Variants in DAB1 observed in about 807,000 individuals in gnomAD.
The protein encoded by DAB1 is DAB adaptor protein 1, also known as disabled homolog 1.
A neutral mutation model predicts 64.6 loss-of-function variants in DAB1; 15 were observed. The observed-to-expected ratio is 0.23, with a 90% confidence interval of 0.16 to 0.36. The LOEUF (loss-of-function observed/expected upper bound fraction) is 0.36, where lower values mean the gene tolerates loss of function less well. Among genes scored for constraint, DAB1 ranks in the 10% least tolerant of loss-of-function variants. The pLI, the probability that DAB1 is intolerant of heterozygous loss-of-function variation, is 1.00. For synonymous variants in DAB1, 235 were observed against 251.9 expected (o/e 0.93, Z 0.64); for missense variants, 596 against 706.7 (o/e 0.84, Z 1.78).
At chr1:57,501,947 A>G (rs183372639) in intron 7 of DAB1, among the ~76,000 whole-genome samples, 3 of 152,240 alleles carry the variant, frequency 2.0e-5, no homozygotes, top group African/African-American at 4.8e-5. Context: ...ATCATCGCCT[A>G]TATGTATACT....
intron 4 of DAB1, among the ~76,000 whole-genome samples, chr1:58,304,257 T>A (rs532150495): frequency 6.6e-6 from 1 of 152,302 alleles, no homozygotes; most frequent in East Asian, 1.9e-4. Context: ...CACTCACTGG[T>A]CATGGTTTTA....
intron 1 of DAB1, chr1:57,386,974 G>C (rs1431583480): frequency 2.2e-5 from 3 of 136,130 alleles, no homozygotes; most frequent in Non-Finnish European, 3.2e-5. Flanking sequence ...ACCACAGCCA[G>C]CTCCCTTACA....
At chr1:57,439,424 T>TTTTTTTGTTTTTTTTTG (rs1558381326) in intron 7 of DAB1, among the ~76,000 whole-genome samples, 5 of 117,098 alleles carry the variant, frequency 4.3e-5, no homozygotes, top group East Asian at 4.7e-4. Context: ...TGAGGTTTTT[T>TTTTTTTGTTTTTTTTTG]CTTTTTTTTT....
intron 7 of DAB1, among the ~76,000 whole-genome samples, chr1:57,460,011 A>C (rs1466655329): frequency 3.9e-5 from 6 of 152,260 alleles, no homozygotes; most frequent in African/African-American, 1.4e-4. Flanking sequence ...GGTGTTGCAA[A>C]GATGAGGGAT....
chr1:58,061,011 C>T (rs1274451168), intron 5 of DAB1, among the ~76,000 whole-genome samples: 2 of 152,194 alleles, frequency 1.3e-5, no homozygotes, highest in Non-Finnish European at 2.9e-5. Context: ...GAGCCTGGGT[C>T]CTCAGGGCCT....
chr1:58,331,520 A>G (rs1026181778), intron 4 of DAB1, among the ~76,000 whole-genome samples: 7 of 152,220 alleles, frequency 4.6e-5, no homozygotes, highest in Non-Finnish European at 1.0e-4. Context: ...GAAATATTTC[A>G]TGATAGAAAG....
At chr1:57,188,973 G>T (rs1008117954) in intron 2 of DAB1, among the ~76,000 whole-genome samples, 2 of 152,114 alleles carry the variant, frequency 1.3e-5, no homozygotes, top group Admixed American at 1.3e-4. Flanking sequence ...TCAAAAAAAA[G>T]TTCGGTCATT....
At chr1:58,177,280 T>G (rs1194149707) in intron 4 of DAB1, among the ~76,000 whole-genome samples, 2 of 152,160 alleles carry the variant, frequency 1.3e-5, no homozygotes, top group African/African-American at 4.8e-5. Flanking sequence ...AAAAGCCACC[T>G]TATAACTTTT....
At chr1:57,412,054 CATT>C (rs1367342569) in intron 1 of DAB1, among the ~76,000 whole-genome samples, 4 of 152,156 alleles carry the variant, frequency 2.6e-5, no homozygotes, top group Non-Finnish European at 5.9e-5. Context: ...CAAGCGTTTT[CATT>C]ATTATTATAC....
chr1:58,520,068 G>A (rs996822903), intron 2 of DAB1, among the ~76,000 whole-genome samples: 4 of 152,102 alleles, frequency 2.6e-5, no homozygotes, highest in Non-Finnish European at 4.4e-5. Flanking sequence ...ACACAAAGAT[G>A]GGAACAACAG....
intron 5 of DAB1, among the ~76,000 whole-genome samples, chr1:57,926,682 C>T (rs1238568724): frequency 1.3e-5 from 2 of 152,220 alleles, no homozygotes; most frequent in Non-Finnish European, 2.9e-5. Flanking sequence ...AGCAAAGCCA[C>T]ATATACAAGT....
chr1:58,504,097 A>G (rs1645949497), intron 3 of DAB1, among the ~76,000 whole-genome samples: 1 of 152,164 alleles, frequency 6.6e-6, no homozygotes, highest in South Asian at 2.1e-4. Flanking sequence ...ACTCCACACA[A>G]TAATGCCAGT....
intron 1 of DAB1, among the ~76,000 whole-genome samples, chr1:57,406,275 A>C (rs542969528): frequency 6.6e-6 from 1 of 152,314 alleles, no homozygotes; most frequent in Non-Finnish European, 1.5e-5. Flanking sequence ...GGCACCCTCA[A>C]AATACTTAGA....
intron 2 of DAB1, among the ~76,000 whole-genome samples, chr1:57,187,134 T>A (rs577400374): frequency 6.6e-6 from 1 of 152,302 alleles, no homozygotes; most frequent in South Asian, 2.1e-4. Flanking sequence ...AGTACATACC[T>A]TCTGTGATTC....
intron 3 of DAB1, among the ~76,000 whole-genome samples, chr1:58,475,599 A>T (rs1271730005): frequency 6.6e-6 from 1 of 152,220 alleles, no homozygotes; most frequent in African/African-American, 2.4e-5. Flanking sequence ...GAGCTGTAGC[A>T]GATCAGAGCC....
At chr1:57,954,521 C>A (rs968609946) in intron 5 of DAB1, among the ~76,000 whole-genome samples, 1 of 151,990 alleles carries the variant, frequency 6.6e-6, no homozygotes, top group African/African-American at 2.4e-5. Context: ...CCCAGTGAAA[C>A]AGAACCATAG....
At chr1:58,535,278 T>G (rs950927494) in intron 1 of DAB1, among the ~76,000 whole-genome samples, 12 of 152,190 alleles carry the variant, frequency 7.9e-5, no homozygotes, top group African/African-American at 2.7e-4. Flanking sequence ...TTACTTTAAC[T>G]TTCATAAAGT....
chr1:57,163,275 T>A (rs1182382822), intron 2 of DAB1, among the ~76,000 whole-genome samples: 3 of 152,064 alleles, frequency 2.0e-5, no homozygotes, highest in Non-Finnish European at 4.4e-5. Context: ...AAGGAGTGAC[T>A]GGGAAAGGGT....
chr1:57,665,849 CTGTGTGTGTGTGTG>C lies in DAB1; in HGVS notation n.552-16198_552-16185del, dbSNP rs397862533. 1.5e-4 allele frequency among the ~76,000 whole-genome samples: 21 copies of C among 137,172 alleles called. 1 individual carries two copies. Among genetic ancestry groups the C allele is most frequent in the African/African-American group, 2.4e-4 (9 of 37,134 alleles). The allele number at this position is 137,172 out of a possible 152,430, so 90.0% of individuals were successfully genotyped here. A position where few individuals can be genotyped will look rare whatever the true frequency, so the allele number is the denominator to read the frequency against. On this transcript the variant is annotated intron_variant and non_coding_transcript_variant, in intron 6 of 20. Coordinates refer to the DAB1 transcript ENST00000485760. ...TTTTCTTCCCTTTTTTTTTAATTAT[CTGTGTGTGTGTGTG>C]TGTGTGTGTGTGTGTGTGTGTTTGC...
Sources: allele counts gnomAD v4.1 joint callset (sites outside exome capture counted in the v4.1 genomes callset), GRCh38; gene constraint gnomAD v4.1.1; transcripts MANE v1.5; gene names NCBI Gene and HGNC (gene_info 2026-07-23, HGNC 2026-07-21).